Variants in CDH11 observed in about 807,000 individuals in gnomAD.
CDH11 encodes cadherin-11.
Under a neutral mutation model 67.8 loss-of-function variants are expected in CDH11, and 11 were observed. That is an observed-to-expected ratio of 0.16 (90% CI 0.10 to 0.27). The LOEUF (loss-of-function observed/expected upper bound fraction) is 0.27. Ranked by LOEUF, CDH11 falls within the 10% of genes least tolerant of loss-of-function variation. CDH11 has a pLI of 1.00. For missense variants in CDH11, 847 were observed against 1,031.2 expected (o/e 0.82, Z 2.45); for synonymous variants, 419 against 400.0 (o/e 1.05, Z -0.57).
At chr16:65,055,941 A>G (rs2074134652) in intron 1 of CDH11, among the ~76,000 whole-genome samples, 1 of 152,248 alleles carries the variant, frequency 6.6e-6, no homozygotes, top group Non-Finnish European at 1.5e-5. Context: ...AGGAAAAGAA[A>G]GCAGAGCTCT....
intron 11 of CDH11, among the ~76,000 whole-genome samples, chr16:64,966,231 A>G (rs2071824004): frequency 6.6e-6 from 1 of 152,134 alleles, no homozygotes. Flanking sequence ...GGGTAATAAA[A>G]GGAGAATTGA....
chr16:65,099,795 T>A (rs1342327035), intron 1 of CDH11, among the ~76,000 whole-genome samples: 1 of 152,176 alleles, frequency 6.6e-6, no homozygotes, highest in East Asian at 1.9e-4. Context: ...CTTGTCCTCA[T>A]GGCAATGACT....
intron 1 of CDH11, among the ~76,000 whole-genome samples, chr16:65,093,047 C>T (rs915425318): frequency 5.3e-5 from 8 of 151,240 alleles, no homozygotes; most frequent in Non-Finnish European, 8.8e-5. Context: ...AGCAATTCTC[C>T]TGCCTCAGCC....
At chr16:65,104,724 A>G (rs1254846565) in intron 1 of CDH11, among the ~76,000 whole-genome samples, 1 of 152,190 alleles carries the variant, frequency 6.6e-6, no homozygotes, top group Non-Finnish European at 1.5e-5. Flanking sequence ...TGTGAAGCAT[A>G]TACCAAGATC....
Position 64,988,317 on chromosome 16 carries a change from G to A in CDH11, c.839C>T (p.Ala280Val). Reference protein sequence around the residue: ...QSVYQMSVSEAAVPGEEVGRV... With the variant: ...QSVYQMSVSEVAVPGEEVGRV... ...TCCTACTTCCTCCCCAGGGACGGCT[G>A]CTTCTGACACAGACATCTGGTATAC... is the stretch of plus-strand genomic sequence containing the variant. The change falls in exon 7 of 13, where the codon GCA becomes GTA. Residue 280 changes from alanine (A) to valine (V), a missense_variant. Ala to Val is a moderately conservative substitution (Grantham distance 64). Coordinates refer to ENST00000268603, the MANE Select transcript of CDH11 (RefSeq NM_001797.4). 6.2e-7 allele frequency: 1 copy of A among 1,613,148 alleles called. No homozygotes were observed. Among genetic ancestry groups the A allele is most frequent in the African/African-American group, 1.3e-5 (1 of 74,988 alleles).
At chr16:65,106,342 A>G (rs1327943775) in intron 1 of CDH11, among the ~76,000 whole-genome samples, 2 of 152,178 alleles carry the variant, frequency 1.3e-5, no homozygotes, top group East Asian at 3.9e-4. Context: ...TTACACAAAT[A>G]TAAGAGTTGA....
At chr16:64,977,005 C>T (rs1269817986) in intron 8 of CDH11, among the ~76,000 whole-genome samples, 2 of 152,002 alleles carry the variant, frequency 1.3e-5, no homozygotes, top group African/African-American at 4.8e-5. Flanking sequence ...CCAGCATGGG[C>T]AACATAGTGA....
At chr16:64,975,619 T>G (rs1377378870) in intron 8 of CDH11, among the ~76,000 whole-genome samples, 2 of 151,950 alleles carry the variant, frequency 1.3e-5, no homozygotes, top group African/African-American at 4.8e-5. Context: ...GAGAGGGAGA[T>G]TTAAAGACAT....
intron 8 of CDH11, among the ~76,000 whole-genome samples, chr16:64,973,990 G>A (rs1016780767): frequency 1.3e-5 from 2 of 152,078 alleles, no homozygotes; most frequent in African/African-American, 2.4e-5. Flanking sequence ...GTGCAAAACA[G>A]CACAGCTTGA....
chr16:64,966,913 A>T (rs981318538), intron 11 of CDH11, among the ~76,000 whole-genome samples: 1 of 152,220 alleles, frequency 6.6e-6, no homozygotes, highest in Non-Finnish European at 1.5e-5. Flanking sequence ...ACTGACAAAT[A>T]TATAATTTAA....
intron 11 of CDH11, among the ~76,000 whole-genome samples, chr16:64,966,939 C>T (rs1253962372): frequency 1.3e-5 from 2 of 152,044 alleles, no homozygotes; most frequent in Non-Finnish European, 2.9e-5. Flanking sequence ...GGGCAAAGGA[C>T]ATAAATAGCC....
At chr16:65,047,895 G>A (rs902854222) in intron 2 of CDH11, among the ~76,000 whole-genome samples, 5 of 151,948 alleles carry the variant, frequency 3.3e-5, no homozygotes, top group Admixed American at 2.0e-4. Context: ...CTGAAGCTCC[G>A]CCTGATTTCC....
rs1327878255 is a variant in CDH11 at position 65,075,722 on chromosome 16, T to TGTGC, written c.-297-21795_-297-21794insGCAC. On this transcript the variant is annotated intron_variant, in intron 1 of 12. Coordinates refer to ENST00000268603, the MANE Select transcript of CDH11 (RefSeq NM_001797.4). ...CCTAATGCTCCCAGGATGCCATCCC[T>TGTGC]AGACAATGTGCTATTGCACAGCCAG... Among the ~76,000 whole-genome samples the TGTGC allele has an allele frequency of 2.0e-5, 3 of 152,306 alleles. No individual in the cohort carries two copies. In the East Asian group the frequency reaches 5.8e-4, roughly 29 times the overall value.
chr16:64,948,470 G>C, intron 12 of CDH11: 1 of 760,618 alleles, frequency 1.3e-6, no homozygotes, highest in Non-Finnish European at 2.2e-6. Context: ...TGCAAAGGAA[G>C]GTAGCTGTTT....
chr16:64,993,986 A>G (rs1308751972), intron 4 of CDH11, among the ~76,000 whole-genome samples: 2 of 152,206 alleles, frequency 1.3e-5, no homozygotes, highest in Non-Finnish European at 2.9e-5. Flanking sequence ...TCTATTTCAC[A>G]AAGTTGGTAA....
chr16:65,017,066 T>C (rs1481953054), intron 2 of CDH11, among the ~76,000 whole-genome samples: 1 of 152,162 alleles, frequency 6.6e-6, no homozygotes, highest in Non-Finnish European at 1.5e-5. Context: ...TCTCTTTCAT[T>C]GCCATCTTGG....
At chr16:64,992,611 T>C (rs2072657119) in intron 5 of CDH11, among the ~76,000 whole-genome samples, 1 of 152,252 alleles carries the variant, frequency 6.6e-6, no homozygotes, top group Non-Finnish European at 1.5e-5. Flanking sequence ...GTGAGGAATA[T>C]AGAGAGCACT....
intron 1 of CDH11, among the ~76,000 whole-genome samples, chr16:65,085,650 T>A (rs2074685004): frequency 6.6e-6 from 1 of 152,168 alleles, no homozygotes. Context: ...AGAGATCCAC[T>A]CGGTTCTGCT....
chr16:65,086,825 A>G (rs1383864723), intron 1 of CDH11, among the ~76,000 whole-genome samples: 1 of 152,216 alleles, frequency 6.6e-6, no homozygotes, highest in Non-Finnish European at 1.5e-5. Flanking sequence ...CACAAAAGGC[A>G]ATAGGTCCTA....
Sources: allele counts gnomAD v4.1 joint callset (sites outside exome capture counted in the v4.1 genomes callset), GRCh38; gene constraint gnomAD v4.1.1; transcripts MANE v1.5; gene names NCBI Gene and HGNC (gene_info 2026-07-23, HGNC 2026-07-21).